FBXO11: variants seen among roughly 807,000 people sequenced by gnomAD.
FBXO11 encodes the protein F-box only protein 11.
In FBXO11, 13 loss-of-function variants were observed where a neutral mutation model predicts 117.0. The ratio of observed to expected loss-of-function variants is 0.11; its 90% CI spans 0.07 to 0.18. FBXO11 has a LOEUF of 0.18. Ranked by LOEUF, FBXO11 falls within the 10% of genes least tolerant of loss-of-function variation. The pLI is 1.00. For synonymous variants in FBXO11, 490 were observed against 380.5 expected (o/e 1.29, Z -3.35); for missense variants, 767 against 1,164.4 (o/e 0.66, Z 4.97).
chr2:47,816,965 C>G (rs535837874), intron 16 of FBXO11, among the ~76,000 whole-genome samples: 1 of 152,148 alleles, frequency 6.6e-6, no homozygotes, highest in East Asian at 1.9e-4. Context: ...CTTAACTAAC[C>G]CTTAACAAGA....
At chr2:47,814,253 T>A (rs1670848030) in intron 16 of FBXO11, 1 of 186,526 alleles carries the variant, frequency 5.4e-6, no homozygotes, top group African/African-American at 2.4e-5. Flanking sequence ...TTTTTTGGTT[T>A]ACATTATACT....
At chr2:47,816,772 C>A (rs574367233) in intron 16 of FBXO11, among the ~76,000 whole-genome samples, 10 of 152,244 alleles carry the variant, frequency 6.6e-5, no homozygotes, top group African/African-American at 2.4e-4. Flanking sequence ...AATATTTTTT[C>A]TGAGCACTAG....
chr2:47,824,162 C>T (rs779250761), intron 11 of FBXO11, among the ~76,000 whole-genome samples: 4 of 152,168 alleles, frequency 2.6e-5, no homozygotes, highest in Non-Finnish European at 4.4e-5. Flanking sequence ...AGGTTAAAGT[C>T]ATTAAGAATA....
intron 1 of FBXO11, among the ~76,000 whole-genome samples, chr2:47,851,825 G>C (rs1260939678): frequency 6.6e-6 from 1 of 152,134 alleles, no homozygotes; most frequent in Non-Finnish European, 1.5e-5. Flanking sequence ...AGTATGAAAA[G>C]CAAAATGAAA....
intron 1 of FBXO11, among the ~76,000 whole-genome samples, chr2:47,858,805 G>T (rs1413845146): frequency 6.6e-6 from 1 of 151,728 alleles, no homozygotes; most frequent in African/African-American, 2.4e-5. Flanking sequence ...AGCACCTTGG[G>T]AGGCCAAGAC....
chr2:47,817,454 C>T (rs941708774), intron 16 of FBXO11, among the ~76,000 whole-genome samples: 3 of 152,168 alleles, frequency 2.0e-5, no homozygotes, highest in Admixed American at 1.3e-4. Flanking sequence ...TTTGCTTTAT[C>T]ATTCATGTGT....
chr2:47,891,354 A>G (rs949229816), intron 1 of FBXO11, among the ~76,000 whole-genome samples: 2 of 152,160 alleles, frequency 1.3e-5, no homozygotes, highest in African/African-American at 4.8e-5. Context: ...ACTATTTCAG[A>G]TAACTTCATT....
At position 47,873,819 on chromosome 2, in the gene FBXO11, T is replaced by C. The variant is rs566530325; in HGVS notation, c.232+31670A>G. Among the ~76,000 whole-genome samples, 6 of 152,348 alleles carry C rather than the reference T, an allele frequency of 3.9e-5. 1 individual carries two copies. Among genetic ancestry groups the C allele is most frequent in the Admixed American group, 1.3e-4 (2 of 15,304 alleles). On this transcript the variant is annotated intron_variant, in intron 1 of 22. Coordinates refer to ENST00000403359, the MANE Select transcript of FBXO11 (RefSeq NM_001190274.2). ...ATGATTTCAATTAAAAACAAAGATA[T>C]GTATGTGTTCAACTTACCACATTTT...
chr2:47,860,993 T>C (rs1270922559), intron 1 of FBXO11, among the ~76,000 whole-genome samples: 1 of 151,906 alleles, frequency 6.6e-6, no homozygotes, highest in Non-Finnish European at 1.5e-5. Context: ...TTTGCATTTT[T>C]AGTAAAGTCA....
At chr2:47,848,257 G>A (rs1180123312) in intron 1 of FBXO11, among the ~76,000 whole-genome samples, 1 of 152,214 alleles carries the variant, frequency 6.6e-6, no homozygotes, top group Non-Finnish European at 1.5e-5. Flanking sequence ...CCACCCAGGA[G>A]GTGAGTGGTA....
intron 4 of FBXO11, 47 bp from the exon 5 acceptor site, chr2:47,836,048 G>GATT: frequency 7.1e-7 from 1 of 1,404,210 alleles, no homozygotes; most frequent in Non-Finnish European, 9.8e-7. Flanking sequence ...ATGTCCTTTA[G>GATT]ATTAATACAG....
chr2:47,818,662 A>AAT (rs774554533), intron 16 of FBXO11, 117 bp downstream of exon 16: 1 of 678,332 alleles, frequency 1.5e-6, no homozygotes, highest in East Asian at 2.7e-5. Context: ...TAAGAATGTG[A>AAT]ATATATATAC....
rs186251046 is a variant in FBXO11, at chr2:47,864,404, A to C, written c.233-24635T>G. Among the ~76,000 whole-genome samples the C allele has an allele frequency of 4.6e-4, 70 of 152,324 alleles. 1 individual carries two copies. Among genetic ancestry groups the C allele is most frequent in the African/African-American group, 1.6e-3 (66 of 41,574 alleles). On this transcript the variant is annotated intron_variant, in intron 1 of 22. Transcript: ENST00000403359. ...GGAGTTCAAGACCAGCCTGGCCAACATGGCAAAACCCCATCTCTACTAAAA... is the reference window on the plus strand; with the variant it reads ...GGAGTTCAAGACCAGCCTGGCCAACCTGGCAAAACCCCATCTCTACTAAAA...
rs947694739 is a variant in FBXO11, at chr2:47,906,245, C to G, written c.-525G>C. Reference sequence around the variant, plus strand: ...CTTTTTTTTCCCTCTTCCTCCCCCCCACACCCCCTGAAAGAGATTTCTGTG... The same window carrying G: ...CTTTTTTTTCCCTCTTCCTCCCCCCGACACCCCCTGAAAGAGATTTCTGTG... On this transcript the variant is annotated 5_prime_UTR_variant, in exon 1 of 23. Coordinates refer to ENST00000403359, the MANE Select transcript of FBXO11 (RefSeq NM_001190274.2). 1 of 166,278 alleles carries G rather than the reference C, an allele frequency of 6.0e-6. No homozygotes were observed. Among genetic ancestry groups the G allele is most frequent in the African/African-American group, 2.4e-5 (1 of 41,542 alleles). The allele number at this position is 166,278 out of a possible 1,614,324, so 10.3% of individuals were successfully genotyped here. A position where few individuals can be genotyped will look rare whatever the true frequency, so the allele number is the denominator to read the frequency against.
rs138684545 is a variant in FBXO11 at position 47,817,918 on chromosome 2, C to T, written c.2006+861G>A. Among the ~76,000 whole-genome samples the T allele has an allele frequency of 0.011, 1,742 of 152,222 alleles. 89 individuals are homozygous for T. In the East Asian group the frequency reaches 0.15, roughly 14 times the overall value. On this transcript the variant is annotated intron_variant, in intron 16 of 22. Coordinates refer to ENST00000403359, the MANE Select transcript of FBXO11 (RefSeq NM_001190274.2). ...ATCCCAGCACTTTGGGAGGCTGAGG[C>T]GGGTGGATCACCTGAAGTCAGGAGT...
At chr2:47,901,738 T>C (rs1438569287) in intron 1 of FBXO11, among the ~76,000 whole-genome samples, 1 of 152,188 alleles carries the variant, frequency 6.6e-6, no homozygotes, top group Non-Finnish European at 1.5e-5. Context: ...TGTAGACTTG[T>C]AAGCTTTCCT....
At chr2:47,901,367 CTG>C in intron 1 of FBXO11, among the ~76,000 whole-genome samples, 1 of 151,614 alleles carries the variant, frequency 6.6e-6, no homozygotes, top group Admixed American at 6.6e-5. Context: ...CAAAACAGTC[CTG>C]TGACTTTTCC....
intron 1 of FBXO11, among the ~76,000 whole-genome samples, chr2:47,845,230 A>C (rs1382030146): frequency 1.4e-5 from 2 of 148,124 alleles, no homozygotes; most frequent in Admixed American, 1.4e-4. Flanking sequence ...CAGAGGTCCT[A>C]ACAGGAAAGA....
In FBXO11 at chr2:47,905,788, C is replaced by A. The variant is rs1354477314; in HGVS notation, c.-68G>T. 4.9e-5 allele frequency: 70 copies of A among 1,421,184 alleles called. No homozygotes were observed. The highest frequency in any genetic ancestry group is 9.1e-5 in the Admixed American group (4 of 43,982). 88.0% of individuals were successfully genotyped at this position (1,421,184 alleles called of 1,614,324 possible). ...CGCACACGCACAGCGAGCTTCGGGG[C>A]AGGAGAAAGGGGTGGGGAGAGTGGG... is the stretch of plus-strand genomic sequence containing the variant. On this transcript the variant is annotated 5_prime_UTR_variant, in exon 1 of 23. Coordinates refer to ENST00000403359, the MANE Select transcript of FBXO11 (RefSeq NM_001190274.2).
Sources: gnomAD v4.1 joint callset for allele counts (sites outside exome capture counted in the v4.1 genomes callset) on GRCh38, gnomAD v4.1.1 for gene constraint, MANE v1.5 for transcripts, NCBI Gene and HGNC (gene_info 2026-07-23, HGNC 2026-07-21) for gene names.